NSMCE2: variants seen among roughly 807,000 people sequenced by gnomAD.
NSMCE2 encodes the protein NSE2 SUMO ligase component of SMC5/6 complex.
A neutral mutation model predicts 23.8 loss-of-function variants in NSMCE2; 24 were observed. The observed-to-expected ratio is 1.01, with a 90% CI of 0.73 to 1.42. The LOEUF (loss-of-function observed/expected upper bound fraction) is 1.42. Among genes scored for constraint, NSMCE2 ranks in the 40% most tolerant of loss-of-function variants. The pLI, the probability that NSMCE2 is intolerant of heterozygous loss-of-function variation, is 0.00. For missense variants in NSMCE2, 284 were observed against 296.5 expected (o/e 0.96, Z 0.31); for synonymous variants, 92 against 94.1 (o/e 0.98, Z 0.13).
intron 5 of NSMCE2, among the ~76,000 whole-genome samples, chr8:125,274,832 A>G (rs1437035265): frequency 6.6e-6 from 1 of 151,238 alleles, no homozygotes; most frequent in Admixed American, 6.6e-5. Flanking sequence ...TGGGAGGCTG[A>G]GGCAGGAGAA....
At chr8:125,162,846 A>G (rs1415436749) in intron 4 of NSMCE2, among the ~76,000 whole-genome samples, 1 of 152,212 alleles carries the variant, frequency 6.6e-6, no homozygotes, top group Non-Finnish European at 1.5e-5. Flanking sequence ...AACTGGAAGG[A>G]AAAAGTGTAT....
chr8:125,358,971 A>C (rs1269124081), intron 7 of NSMCE2, among the ~76,000 whole-genome samples: 1 of 152,094 alleles, frequency 6.6e-6, no homozygotes, highest in African/African-American at 2.4e-5. Flanking sequence ...TTAACAGTTG[A>C]AATGTCAGAT....
intron 5 of NSMCE2, among the ~76,000 whole-genome samples, chr8:125,312,831 A>ACGGGGC (rs1253980033): frequency 1.3e-5 from 2 of 152,058 alleles, no homozygotes; most frequent in African/African-American, 4.8e-5. Flanking sequence ...GATAAAGAGT[A>ACGGGGC]CGGGGCCGGT....
At position 125,168,591 on chromosome 8, in the gene NSMCE2, A is replaced by C. The variant is rs1021200118; in HGVS notation, c.265-13512A>C. Among the ~76,000 whole-genome samples the C allele has an allele frequency of 3.3e-5, 5 of 152,324 alleles. 1 individual carries two copies. In the South Asian group the frequency reaches 1.0e-3, roughly 32 times the overall value. ...AGTGGCACCTTCTGGCTATATCCTCACAAGATGGAATGAGCAAACAAGCTC... is the reference window on the plus strand; with the variant it reads ...AGTGGCACCTTCTGGCTATATCCTCCCAAGATGGAATGAGCAAACAAGCTC... On this transcript the variant is annotated intron_variant, in intron 4 of 7. Coordinates refer to ENST00000287437, the MANE Select transcript of NSMCE2 (RefSeq NM_173685.4).
intron 5 of NSMCE2, among the ~76,000 whole-genome samples, chr8:125,300,011 G>T (rs1172181411): frequency 6.6e-6 from 1 of 151,334 alleles, no homozygotes; most frequent in East Asian, 1.9e-4. Flanking sequence ...TAGAGACAGG[G>T]TTTCAACATG....
chr8:125,250,517 C>T (rs1826160955), intron 5 of NSMCE2, among the ~76,000 whole-genome samples: 1 of 152,170 alleles, frequency 6.6e-6, no homozygotes, highest in African/African-American at 2.4e-5. Flanking sequence ...TAACTAAAAA[C>T]AACCTGCTTT....
At chr8:125,362,100 C>T (rs939789994) in intron 7 of NSMCE2, among the ~76,000 whole-genome samples, 2 of 152,222 alleles carry the variant, frequency 1.3e-5, no homozygotes, top group African/African-American at 4.8e-5. Context: ...GGGACCCAGC[C>T]GCTCCTGCGA....
At chr8:125,279,257 T>G (rs1827602037) in intron 5 of NSMCE2, among the ~76,000 whole-genome samples, 1 of 152,182 alleles carries the variant, frequency 6.6e-6, no homozygotes, top group Non-Finnish European at 1.5e-5. Flanking sequence ...GATGGAGCAC[T>G]GAGATATAGC....
At chr8:125,298,680 T>C (rs1326476348) in intron 5 of NSMCE2, among the ~76,000 whole-genome samples, 2 of 147,052 alleles carry the variant, frequency 1.4e-5, no homozygotes, top group African/African-American at 2.5e-5. Context: ...ATCAAATTCA[T>C]CTGTGGGTTT....
At chr8:125,267,923 C>T (rs1191738225) in intron 5 of NSMCE2, among the ~76,000 whole-genome samples, 1 of 152,026 alleles carries the variant, frequency 6.6e-6, no homozygotes, top group East Asian at 1.9e-4. Context: ...AGTACTTATC[C>T]ATGCGTAAAA....
intron 3 of NSMCE2, among the ~76,000 whole-genome samples, chr8:125,102,811 T>C (rs923837798): frequency 6.6e-6 from 1 of 152,222 alleles, no homozygotes; most frequent in Non-Finnish European, 1.5e-5. Flanking sequence ...TATTATGATA[T>C]TGTTATTTTT....
At chr8:125,291,915 G>A (rs1202746777) in intron 5 of NSMCE2, among the ~76,000 whole-genome samples, 1 of 152,024 alleles carries the variant, frequency 6.6e-6, no homozygotes, top group African/African-American at 2.4e-5. Flanking sequence ...CAGATAAAGG[G>A]GGTGTTTGTT....
rs2130347415 is a variant in NSMCE2, at chr8:125,100,565, T to TA, written c.-110-1485dup. ...CTGGGAGTAGAGGCTGAATTTTTTT[T>TA]ATTTTTATTTTTTTGAGACCGCGTC... On this transcript the variant is annotated intron_variant, in intron 1 of 7. Coordinates refer to ENST00000287437, the MANE Select transcript of NSMCE2 (RefSeq NM_173685.4). Among the ~76,000 whole-genome samples the TA allele has an allele frequency of 2.0e-5, 3 of 152,162 alleles. No individual in the cohort carries two copies. In the South Asian group the frequency reaches 6.2e-4, roughly 31 times the overall value.
At position 125,197,003 on chromosome 8, in the gene NSMCE2, TG is replaced by T. The variant is rs1481836921; in HGVS notation, c.418+14750del. On this transcript the variant is annotated intron_variant, in intron 5 of 7. Transcript: ENST00000287437. ...TGTTGGCCGCATAAATGTCTTCTTTTGGGAAGTGTCTGTTCGTATCCTTTGC... is the reference window on the plus strand; with the variant it reads ...TGTTGGCCGCATAAATGTCTTCTTTTGGAAGTGTCTGTTCGTATCCTTTGC... Among the ~76,000 whole-genome samples the T allele has an allele frequency of 3.9e-5, 6 of 152,364 alleles. No individual in the cohort carries two copies. In the East Asian group the frequency reaches 1.2e-3, roughly 29 times the overall value.
intron 5 of NSMCE2, among the ~76,000 whole-genome samples, chr8:125,298,148 T>C (rs182300034): frequency 2.3e-3 from 357 of 152,232 alleles, no homozygotes; most frequent in African/African-American, 7.7e-3. Context: ...TAGTCCCAGC[T>C]ACTAGGGAGG....
At chr8:125,195,256 G>A (rs1349547305) in intron 5 of NSMCE2, among the ~76,000 whole-genome samples, 1 of 152,078 alleles carries the variant, frequency 6.6e-6, no homozygotes, top group Non-Finnish European at 1.5e-5. Context: ...CAGAGATTCA[G>A]ATTAAGTTTG....
chr8:125,274,510 GT>G (rs1205511898), intron 5 of NSMCE2, among the ~76,000 whole-genome samples: 12 of 152,012 alleles, frequency 7.9e-5, no homozygotes, highest in Non-Finnish European at 1.6e-4. Flanking sequence ...AGTTAGACAA[GT>G]TTTTTTGCAT....
chr8:125,179,404 C>T (rs763995118), intron 4 of NSMCE2, among the ~76,000 whole-genome samples: 10 of 152,134 alleles, frequency 6.6e-5, no homozygotes, highest in Non-Finnish European at 1.2e-4. Context: ...TTTCATGCTA[C>T]ATGATTAGCC....
intron 6 of NSMCE2, 114 bp downstream of exon 6, chr8:125,357,433 G>C (rs1563804044): frequency 2.6e-6 from 2 of 769,682 alleles, no homozygotes; most frequent in East Asian, 5.2e-5. Context: ...AGGGAGTAAA[G>C]AAAAGTGCTG....
Sources: gnomAD v4.1 joint callset for allele counts (sites outside exome capture counted in the v4.1 genomes callset) on GRCh38, gnomAD v4.1.1 for gene constraint, MANE v1.5 for transcripts, NCBI Gene and HGNC (gene_info 2026-07-23, HGNC 2026-07-21) for gene names.